POM121C: variants seen among roughly 807,000 people sequenced by gnomAD.
The protein encoded by POM121C is nuclear envelope pore membrane protein POM 121C.
POM121C carries 20 observed loss-of-function variants against 66.4 expected under a neutral mutation model. That is an observed-to-expected ratio of 0.30 (90% CI 0.21 to 0.44). The LOEUF is 0.44. POM121C is among the 20% of genes least tolerant of loss of function. POM121C has a pLI of 1.00. For missense variants in POM121C, 580 were observed against 1,225.7 expected, an observed-to-expected ratio of 0.47 and a Z score of 7.87; for synonymous variants, 286 against 528.0, an observed-to-expected ratio of 0.54 and a Z score of 6.28.
intron 3 of POM121C, among the ~76,000 whole-genome samples, chr7:75,468,126 TAAAAAAAAA>T (rs368723160): frequency 3.1e-5 from 2 of 64,362 alleles, no homozygotes; most frequent in African/African-American, 7.8e-5. Context: ...AGACTCTGTC[TAAAAAAAAA>T]AAAAAAAAAA....
chr7:75,442,382 A>G (rs1790686791), intron 3 of POM121C: 2 of 1,444,738 alleles, frequency 1.4e-6, no homozygotes, highest in East Asian at 2.7e-5. Context: ...AGGTCCTTCG[A>G]GCAGGGTCCG....
rs782156689 is a variant in POM121C at position 75,441,563 on chromosome 7, C to G, written c.-67G>C. On this transcript the variant is annotated 5_prime_UTR_variant, in exon 4 of 15. Transcript: ENST00000615331. ...CATTCCAGCACACTGTGGGAAGTACCCCCGGACAGGAATACTGGGTCTGAT... is the reference window on the plus strand; with the variant it reads ...CATTCCAGCACACTGTGGGAAGTACGCCCGGACAGGAATACTGGGTCTGAT... The G allele has an allele frequency of 1.9e-5, 30 of 1,612,064 alleles. No homozygotes were observed. In the East Asian group the frequency reaches 6.2e-4, roughly 34 times the overall value.
At chr7:75,463,514 G>C (rs1276148885) in intron 3 of POM121C, among the ~76,000 whole-genome samples, 1 of 145,620 alleles carries the variant, frequency 6.9e-6, no homozygotes, top group Non-Finnish European at 1.5e-5. Context: ...TAAAACACTA[G>C]TTGAACACAA....
intron 13 of POM121C, 25 bp downstream of exon 13, chr7:75,421,484 A>G (rs1554470605): frequency 2.5e-6 from 4 of 1,610,814 alleles, no homozygotes; most frequent in Non-Finnish European, 3.4e-6. Flanking sequence ...CCGGCCCGGT[A>G]GCCCAAGTCC....
chr7:75,482,017 T>C (rs1222860127), intron 1 of POM121C, among the ~76,000 whole-genome samples: 11 of 151,956 alleles, frequency 7.2e-5, no homozygotes, highest in African/African-American at 2.4e-4. Flanking sequence ...ACGTATGGTA[T>C]AGTTGTGTGA....
intron 7 of POM121C, among the ~76,000 whole-genome samples, chr7:75,433,941 G>T (rs1790291475): frequency 6.6e-6 from 1 of 152,162 alleles, no homozygotes; most frequent in African/African-American, 2.4e-5. Context: ...CTTCCTAAAG[G>T]TAAAGCTGCT....
In POM121C at chr7:75,418,757, T is replaced by C; in HGVS notation, c.*39A>G. On this transcript the variant is annotated 3_prime_UTR_variant, in exon 15 of 15. Transcript: ENST00000615331. Reference sequence around the variant, plus strand: ...TCTAGCACGTGCCAAGGTCCAGATTTAGGGAAGGGGTGGGGGGAACAGGGA... The same window carrying C: ...TCTAGCACGTGCCAAGGTCCAGATTCAGGGAAGGGGTGGGGGGAACAGGGA... 6.4e-7 allele frequency: 1 copy of C among 1,558,668 alleles called. No homozygotes were observed. Among genetic ancestry groups the C allele is most frequent in the African/African-American group, 1.4e-5 (1 of 72,388 alleles).
chr7:75,473,712 G>T (rs1791960243), intron 3 of POM121C, among the ~76,000 whole-genome samples: 1 of 150,792 alleles, frequency 6.6e-6, no homozygotes, highest in Non-Finnish European at 1.5e-5. Context: ...TTTTTGAGAC[G>T]GAGTCTCGCT....
rs761450373 is a variant in POM121C, at chr7:75,421,616, G to A, written c.2636C>T (p.Thr879Ile). 1.9e-5 allele frequency: 30 copies of A among 1,613,432 alleles called. No homozygotes were observed. Among genetic ancestry groups the A allele is most frequent in the Non-Finnish European group, 2.0e-5 (24 of 1,179,804 alleles). ...AGQSGSTATS[T>I]PFTGGLGQNA... is the part of the protein sequence containing the mutation. ...CTGACCTAAGCCCCCTGTGAAGGGG[G>A]TGGAGGTGGCTGTGCTCCCACTCTG... Residue 879 changes from threonine (T) to isoleucine (I), a missense_variant, in exon 13 of 15, where the codon ACC becomes ATC. By Grantham distance (89) the Thr-to-Ile change is moderately conservative. Coordinates refer to ENST00000615331, the MANE Select transcript of POM121C (RefSeq NM_001099415.3).
At chr7:75,457,764 C>T (rs1389530447) in intron 3 of POM121C, among the ~76,000 whole-genome samples, 34 of 152,358 alleles carry the variant, frequency 2.2e-4, no homozygotes, top group Admixed American at 1.6e-3. Flanking sequence ...TCCCGTTCCC[C>T]GTCCCACCCA....
At chr7:75,460,902 C>G (rs1345627453) in intron 3 of POM121C, among the ~76,000 whole-genome samples, 19 of 152,080 alleles carry the variant, frequency 1.2e-4, no homozygotes, top group African/African-American at 4.6e-4. Context: ...AGTGGCTTCC[C>G]CAGGGACATC....
intron 3 of POM121C, among the ~76,000 whole-genome samples, chr7:75,449,366 CTTT>C (rs782264870): frequency 2.2e-5 from 3 of 135,568 alleles, no homozygotes; most frequent in East Asian, 2.1e-4. Flanking sequence ...TGTTCTCTCT[CTTT>C]TTTTTTTTTT....
At chr7:75,452,417 G>A (rs1463294819) in intron 3 of POM121C, among the ~76,000 whole-genome samples, 2 of 152,242 alleles carry the variant, frequency 1.3e-5, no homozygotes, top group Non-Finnish European at 2.9e-5. Context: ...AGCCGAGATC[G>A]CGCCACTTGC....
At chr7:75,447,195 CAGAG>C (rs1222264665) in intron 3 of POM121C, among the ~76,000 whole-genome samples, 3 of 150,348 alleles carry the variant, frequency 2.0e-5, no homozygotes, top group African/African-American at 7.3e-5. Context: ...TTAAAATGAA[CAGAG>C]AAAGACATTA....
chr7:75,433,416 C>T (rs1334958958), intron 7 of POM121C, among the ~76,000 whole-genome samples: 3 of 151,662 alleles, frequency 2.0e-5, no homozygotes, highest in Non-Finnish European at 1.5e-5. Context: ...AGTGTAGTGG[C>T]GCGGTCTCTG....
At chr7:75,456,206 T>G (rs1791206768) in intron 3 of POM121C, among the ~76,000 whole-genome samples, 1 of 152,210 alleles carries the variant, frequency 6.6e-6, no homozygotes, top group African/African-American at 2.4e-5. Context: ...TCCACTGCAC[T>G]CCAGCCTGGG....
At chr7:75,478,365 G>A (rs1453487049) in intron 1 of POM121C, among the ~76,000 whole-genome samples, 1 of 152,010 alleles carries the variant, frequency 6.6e-6, no homozygotes, top group South Asian at 2.1e-4. Flanking sequence ...TGCCTTGAGC[G>A]TTTCCAGGCC....
chr7:75,447,004 T>A (rs1222812203), intron 3 of POM121C, among the ~76,000 whole-genome samples: 1 of 55,592 alleles, frequency 1.8e-5, no homozygotes. Context: ...CGAGACTCCG[T>A]CTCAAAAAAA....
chr7:75,459,633 G>A (rs1791381838), intron 3 of POM121C, among the ~76,000 whole-genome samples: 3 of 137,258 alleles, frequency 2.2e-5, no homozygotes, highest in Non-Finnish European at 3.1e-5. Flanking sequence ...AAGAAATGAA[G>A]AAAAATCCAG....
Sources: gnomAD v4.1 joint callset for allele counts (sites outside exome capture counted in the v4.1 genomes callset) on GRCh38, gnomAD v4.1.1 for gene constraint, MANE v1.5 for transcripts, NCBI Gene and HGNC (gene_info 2026-07-23, HGNC 2026-07-21) for gene names.